The following DCC variants were observed in gnomAD, a reference collection of about 807,000 sequenced individuals.
The protein encoded by DCC is netrin receptor DCC.
DCC carries 58 observed loss-of-function variants against 172.5 expected under a neutral mutation model. The ratio of observed to expected loss-of-function variants is 0.34; its 90% CI spans 0.27 to 0.42. The LOEUF (loss-of-function observed/expected upper bound fraction) is 0.42, where lower values mean the gene tolerates loss of function less well. Among genes scored for constraint, DCC ranks in the 10% least tolerant of loss-of-function variants. The pLI is 1.00. For synonymous variants in DCC, 709 were observed against 644.5 expected (o/e 1.10, Z -1.52); for missense variants, 1,740 against 1,791.0 (o/e 0.97, Z 0.51).
intron 8 of DCC, among the ~76,000 whole-genome samples, chr18:53,165,972 G>A (rs1203883962): frequency 3.9e-5 from 6 of 152,162 alleles, no homozygotes; most frequent in Non-Finnish European, 8.8e-5. Flanking sequence ...CTAGAAAGTG[G>A]AAACTAGAGC....
At chr18:52,856,405 C>T (rs1443802497) in intron 2 of DCC, among the ~76,000 whole-genome samples, 1 of 151,470 alleles carries the variant, frequency 6.6e-6, no homozygotes, top group East Asian at 2.0e-4. Context: ...GCGGGCGTTT[C>T]ACGAGGTCAG....
intron 2 of DCC, among the ~76,000 whole-genome samples, chr18:52,811,676 ATAT>A (rs1244417154): frequency 8.5e-5 from 13 of 152,152 alleles, no homozygotes; most frequent in Admixed American, 2.6e-4. Flanking sequence ...AAAAGAATTG[ATAT>A]TATAAATTAT....
At chr18:52,873,872 A>G (rs1173941281) in intron 2 of DCC, among the ~76,000 whole-genome samples, 4 of 152,212 alleles carry the variant, frequency 2.6e-5, no homozygotes, top group Non-Finnish European at 5.9e-5. Flanking sequence ...TCAGTTCAAA[A>G]TCCTATGAAA....
intron 8 of DCC, among the ~76,000 whole-genome samples, chr18:53,172,444 C>G (rs1217160477): frequency 1.3e-5 from 2 of 152,102 alleles, no homozygotes; most frequent in African/African-American, 2.4e-5. Flanking sequence ...AACACATTTT[C>G]ACATGTACCC....
At chr18:52,691,163 A>T (rs1254203320) in intron 1 of DCC, among the ~76,000 whole-genome samples, 1 of 152,156 alleles carries the variant, frequency 6.6e-6, no homozygotes, top group Non-Finnish European at 1.5e-5. Context: ...GTTGTTGCCC[A>T]TAGACTCATA....
At chr18:52,657,689 T>G (rs2035281953) in intron 1 of DCC, among the ~76,000 whole-genome samples, 1 of 152,164 alleles carries the variant, frequency 6.6e-6, no homozygotes, top group African/African-American at 2.4e-5. Context: ...AATCCCATGT[T>G]GTCTGGAGAG....
intron 1 of DCC, among the ~76,000 whole-genome samples, chr18:52,648,234 G>A (rs1288546143): frequency 6.6e-6 from 1 of 152,150 alleles, no homozygotes; most frequent in African/African-American, 2.4e-5. Context: ...CAGCACTTTG[G>A]TAGCTTGAAA....
At chr18:52,808,217 T>C (rs28402926) in intron 2 of DCC, among the ~76,000 whole-genome samples, 82 of 152,334 alleles carry the variant, frequency 5.4e-4, no homozygotes, top group African/African-American at 1.7e-3. Flanking sequence ...TCTATTGCTA[T>C]GTCTAAAAGG....
intron 1 of DCC, among the ~76,000 whole-genome samples, chr18:52,749,907 C>G: frequency 6.6e-6 from 1 of 152,268 alleles, no homozygotes. Context: ...ATTAATGCTA[C>G]TTGTATGGAA....
intron 27 of DCC, among the ~76,000 whole-genome samples, chr18:53,510,585 A>G (rs1184879648): frequency 6.6e-6 from 1 of 152,246 alleles, no homozygotes; most frequent in African/African-American, 2.4e-5. Context: ...AGATATTTGA[A>G]GACAGTTTTC....
At chr18:53,179,240 T>C in intron 9 of DCC, 124 bp downstream of exon 9, 1 of 918,702 alleles carries the variant, frequency 1.1e-6, no homozygotes, top group Non-Finnish European at 1.7e-6. Flanking sequence ...TTCTTCTAAG[T>C]AAACTTATAT....
intron 1 of DCC, among the ~76,000 whole-genome samples, chr18:52,373,877 T>TTGG (rs1290296921): frequency 4.0e-5 from 6 of 150,590 alleles, no homozygotes; most frequent in African/African-American, 1.5e-4. Flanking sequence ...TGAAGCATAT[T>TTGG]TGGTTGCATC....
At chr18:53,026,879 A>G (rs961023578) in intron 5 of DCC, among the ~76,000 whole-genome samples, 1 of 152,054 alleles carries the variant, frequency 6.6e-6, no homozygotes, top group Non-Finnish European at 1.5e-5. Flanking sequence ...CTCTTTCTTT[A>G]AAAGCAAAAT....
chr18:53,268,040 G>C (rs560185536), intron 12 of DCC, among the ~76,000 whole-genome samples: 4 of 152,036 alleles, frequency 2.6e-5, no homozygotes, highest in African/African-American at 4.8e-5. Flanking sequence ...TATTACTTTG[G>C]GGGGTAGCTG....
At chr18:53,103,123 C>T (rs1300850751) in intron 7 of DCC, among the ~76,000 whole-genome samples, 1 of 151,912 alleles carries the variant, frequency 6.6e-6, no homozygotes, top group Non-Finnish European at 1.5e-5. Flanking sequence ...TGAGCACTAC[C>T]CTAGGATATA....
chr18:53,364,047 T>A (rs2057975827), intron 15 of DCC, among the ~76,000 whole-genome samples: 1 of 152,214 alleles, frequency 6.6e-6, no homozygotes, highest in African/African-American at 2.4e-5. Context: ...TGGAGTTTAA[T>A]GCCATAAATC....
intron 9 of DCC, among the ~76,000 whole-genome samples, chr18:53,183,625 G>T (rs936143355): frequency 6.6e-6 from 1 of 152,014 alleles, no homozygotes; most frequent in African/African-American, 2.4e-5. Context: ...AACTCTTTTA[G>T]ATTTAAGAGT....
chr18:53,289,415 T>C (rs1030064426), intron 12 of DCC, among the ~76,000 whole-genome samples: 1 of 152,158 alleles, frequency 6.6e-6, no homozygotes. Context: ...GAATTTATTT[T>C]CTCAAAAGGG....
At chr18:52,432,249 G>T (rs1482918453) in intron 1 of DCC, among the ~76,000 whole-genome samples, 1 of 152,114 alleles carries the variant, frequency 6.6e-6, no homozygotes, top group African/African-American at 2.4e-5. Context: ...ATCAGGAGTG[G>T]AGAGGCTCAG....
Sources: allele counts gnomAD v4.1 joint callset (sites outside exome capture counted in the v4.1 genomes callset), GRCh38; gene constraint gnomAD v4.1.1; transcripts MANE v1.5; gene names NCBI Gene and HGNC (gene_info 2026-07-23, HGNC 2026-07-21).